CPNE9: variants seen among roughly 807,000 people sequenced by gnomAD.
CPNE9 encodes the protein copine family member 9.
Under a neutral mutation model 83.0 loss-of-function variants are expected in CPNE9, and 59 were observed. The observed-to-expected ratio is 0.71, with a 90% CI of 0.58 to 0.88. The LOEUF (loss-of-function observed/expected upper bound fraction) is 0.88, where lower values mean the gene tolerates loss of function less well. Ranked by LOEUF, CPNE9 falls within the 40% of genes least tolerant of loss-of-function variation. CPNE9 has a pLI of 0.00. For missense variants in CPNE9, 619 were observed against 720.8 expected (o/e 0.86, Z 1.62); for synonymous variants, 256 against 273.4 (o/e 0.94, Z 0.63).
At chr3:9,722,247 C>T (rs925356534) in intron 17 of CPNE9, among the ~76,000 whole-genome samples, 8 of 146,588 alleles carry the variant, frequency 5.5e-5, no homozygotes, top group African/African-American at 1.5e-4. Flanking sequence ...ACTTTTAAAG[C>T]GCCTACCTTA....
intron 14 of CPNE9, among the ~76,000 whole-genome samples, chr3:9,716,801 A>G (rs916494804): frequency 3.3e-5 from 5 of 152,222 alleles, no homozygotes; most frequent in African/African-American, 1.2e-4. Context: ...CTTCAGGGCT[A>G]TAGTAAGGGT....
intron 7 of CPNE9, among the ~76,000 whole-genome samples, chr3:9,709,814 ACT>A (rs1326648020): frequency 5.9e-5 from 9 of 151,492 alleles, no homozygotes; most frequent in Non-Finnish European, 1.2e-4. Flanking sequence ...ACATGGCGAA[ACT>A]CTGTCTCTAC....
chr3:9,718,906 G>A (rs914449223), intron 17 of CPNE9, among the ~76,000 whole-genome samples: 2 of 148,096 alleles, frequency 1.4e-5, no homozygotes, highest in Non-Finnish European at 3.0e-5. Flanking sequence ...GCATGGTCTC[G>A]GCTCACTGCA....
chr3:9,708,916 G>T (rs1376752398), intron 7 of CPNE9, among the ~76,000 whole-genome samples: 2 of 151,668 alleles, frequency 1.3e-5, no homozygotes. Flanking sequence ...TTACAGGCGT[G>T]AGCCACCGCA....
Position 9,718,655 on chromosome 3 carries a change from T to C in CPNE9, c.1241+53T>C, listed in dbSNP as rs200354861. 1,177 of 1,590,630 alleles carry C rather than the reference T, an allele frequency of 7.4e-4. 6 individuals carry two copies. In the Admixed American group the frequency reaches 9.5e-3, roughly 13 times the overall value. On this transcript the variant is annotated intron_variant, in intron 17 of 20. Coordinates refer to ENST00000383832, the MANE Select transcript of CPNE9 (RefSeq NM_153635.3). ...AAATGAGGGGACCCACATAAGGGAT[T>C]GACCCCCCAAGGATAGTCAGGAGCA... is the stretch of plus-strand genomic sequence containing the variant.
chr3:9,710,531 A>T (rs1293034827), intron 7 of CPNE9, among the ~76,000 whole-genome samples: 1 of 152,196 alleles, frequency 6.6e-6, no homozygotes, highest in Non-Finnish European at 1.5e-5. Flanking sequence ...CCAGAACTGG[A>T]GAGTGAAGGG....
intron 17 of CPNE9, among the ~76,000 whole-genome samples, chr3:9,724,392 G>A (rs2076759094): frequency 6.6e-6 from 1 of 152,168 alleles, no homozygotes; most frequent in Admixed American, 6.5e-5. Context: ...GCAGAGGGGA[G>A]AAGGGAGAGA....
At chr3:9,720,000 T>C (rs902884334) in intron 17 of CPNE9, among the ~76,000 whole-genome samples, 1 of 150,218 alleles carries the variant, frequency 6.7e-6, no homozygotes, top group African/African-American at 2.4e-5. Flanking sequence ...CAAAAAAATA[T>C]ATATATATAC....
chr3:9,707,837 A>C (rs1195538441), intron 7 of CPNE9, among the ~76,000 whole-genome samples: 3 of 151,658 alleles, frequency 2.0e-5, no homozygotes, highest in African/African-American at 7.3e-5. Flanking sequence ...TGGAGGAGGA[A>C]TTCAATCAAG....
At chr3:9,715,185 T>G in intron 11 of CPNE9, 104 bp from the exon 12 acceptor site, 1 of 1,286,406 alleles carries the variant, frequency 7.8e-7, no homozygotes, top group Non-Finnish European at 1.1e-6. Context: ...TAGGCTGCCC[T>G]GCAGCCTAAG....
At chr3:9,718,687 GTAA>G in intron 17 of CPNE9, 85 bp downstream of exon 17, 1 of 1,510,068 alleles carries the variant, frequency 6.6e-7, no homozygotes, top group African/African-American at 1.4e-5. Flanking sequence ...AGCACTCTAA[GTAA>G]TTTAGGATGA....
At chr3:9,725,704 A>ATGTATATATATGTATATATG (rs1559646286) in intron 17 of CPNE9, among the ~76,000 whole-genome samples, 35 of 135,846 alleles carry the variant, frequency 2.6e-4, no homozygotes, top group Admixed American at 4.2e-4. Context: ...ATGTGTATAT[A>ATGTATATATATGTATATATG]TGTGTATATA....
At position 9,704,516 on chromosome 3, in the gene CPNE9, C is replaced by A. The variant is rs183409016; in HGVS notation, c.69-71C>A. 2 of 1,358,324 alleles carry A rather than the reference C, an allele frequency of 1.5e-6. No homozygotes were observed. The highest frequency in any genetic ancestry group is 1.4e-5 in the African/African-American group (1 of 69,886). 84.1% of individuals were successfully genotyped at this position (1,358,324 alleles called of 1,614,324 possible). A position where few individuals can be genotyped will look rare whatever the true frequency, so the allele number is the denominator to read the frequency against. ...GGGCCCCATGCCTCTCCTCAGTGCCCGGCTCAGAGCCGACTCGAGGCGGGC... is the reference window on the plus strand; with the variant it reads ...GGGCCCCATGCCTCTCCTCAGTGCCAGGCTCAGAGCCGACTCGAGGCGGGC... On this transcript the variant is annotated intron_variant, in intron 1 of 20. Transcript: ENST00000383832. The surrounding 1 kb of genome is among the most constrained non-coding windows in gnomAD (Gnocchi z 7.1).
intron 18 of CPNE9, 27 bp downstream of exon 18, chr3:9,726,078 G>C (rs1202246200): frequency 6.9e-7 from 1 of 1,455,354 alleles, no homozygotes; most frequent in Non-Finnish European, 9.5e-7. Flanking sequence ...GGGCTTGGCA[G>C]GGAGGAGTAA....
At chr3:9,725,688 A>G (rs1047503820) in intron 17 of CPNE9, among the ~76,000 whole-genome samples, 3 of 57,676 alleles carry the variant, frequency 5.2e-5, no homozygotes, top group Non-Finnish European at 1.1e-4. Context: ...ATATATATAT[A>G]CATATATGTG....
intron 16 of CPNE9, 29 bp downstream of exon 16, chr3:9,718,239 G>C: frequency 6.4e-7 from 1 of 1,569,840 alleles, no homozygotes; most frequent in Non-Finnish European, 8.7e-7. Context: ...CTTACCCTCC[G>C]TGCCCTGGCA....
At position 9,704,010 on chromosome 3, in the gene CPNE9, G is replaced by T; in HGVS notation, c.14G>T (p.Gly5Val). The change falls in exon 1 of 21, where the codon GGA becomes GTA. Residue 5 changes from glycine to valine, a missense_variant. This residue lies in a region of CPNE9 where 130 missense variants were observed against 117.5 expected (regional missense o/e 1.11). Coordinates refer to ENST00000383832, the MANE Select transcript of CPNE9 (RefSeq NM_153635.3). The surrounding 1 kb of genome is among the most constrained non-coding windows in gnomAD (Gnocchi z 7.1). Reference protein sequence around the residue: MSLGGASERSVPATK... With the variant: MSLGVASERSVPATK... ...GCCCGACCAGCCATGTCTCTCGGCG[G>T]AGCCTCCGAGCGCAGCGTCCCGGCC... 1 of 1,606,934 alleles carries T rather than the reference G, an allele frequency of 6.2e-7. No individual in the cohort carries two copies.
intron 5 of CPNE9, 57 bp downstream of exon 5, chr3:9,705,557 T>C: frequency 6.3e-7 from 1 of 1,588,280 alleles, no homozygotes; most frequent in Non-Finnish European, 8.6e-7. Context: ...TTAGATGTGT[T>C]CAACGACTCT....
Position 9,729,826 on chromosome 3 carries a change from C to T in CPNE9, c.*134C>T. On this transcript the variant is annotated 3_prime_UTR_variant, in exon 21 of 21. Coordinates refer to ENST00000383832, the MANE Select transcript of CPNE9 (RefSeq NM_153635.3). ...GAGGATCAGTGCTGGCTGACAAGCC[C>T]TCCGCCTCCTTGCCTGCAGAGGGCC... 1.5e-6 allele frequency: 2 copies of T among 1,302,744 alleles called. No individual in the cohort carries two copies. The highest frequency in any genetic ancestry group is 2.0e-6 in the Non-Finnish European group (2 of 981,988). 80.7% of individuals were successfully genotyped at this position (1,302,744 alleles called of 1,614,324 possible).
Sources: allele counts gnomAD v4.1 joint callset (sites outside exome capture counted in the v4.1 genomes callset), GRCh38; gene constraint gnomAD v4.1.1; regional missense constraint gnomAD v4.1.1; non-coding constraint Gnocchi (gnomAD v3.1); transcripts MANE v1.5; gene names NCBI Gene and HGNC (gene_info 2026-07-23, HGNC 2026-07-21).